The following CNNM1 variants were observed in gnomAD, a reference collection of about 807,000 sequenced individuals.
CNNM1 encodes the protein cyclin and CBS domain divalent metal cation transport mediator 1.
Under a neutral mutation model 78.8 loss-of-function variants are expected in CNNM1, and 44 were observed. The ratio of observed to expected loss-of-function variants is 0.56; its 90% confidence interval spans 0.44 to 0.72. The LOEUF is 0.72. Ranked by LOEUF, CNNM1 falls within the 30% of genes least tolerant of loss-of-function variation. The pLI is 0.00. For missense variants in CNNM1, 1,101 were observed against 1,292.2 expected (o/e 0.85, Z 2.27); for synonymous variants, 584 against 581.5 (o/e 1.00, Z -0.06).
At chr10:99,388,768 A>T (rs1268900467) in intron 9 of CNNM1, among the ~76,000 whole-genome samples, 1 of 152,212 alleles carries the variant, frequency 6.6e-6, no homozygotes, top group Non-Finnish European at 1.5e-5. Flanking sequence ...CATAGCTATT[A>T]TTAGGCCTAC....
In CNNM1 at chr10:99,330,571, A is replaced by T; in HGVS notation, c.1184A>T (p.Glu395Val). 6.2e-7 allele frequency: 1 copy of T among 1,608,888 alleles called. No homozygotes were observed. Among genetic ancestry groups the T allele is most frequent in the Non-Finnish European group, 8.5e-7 (1 of 1,177,728 alleles). Residue 395 changes from glutamate (E) to valine (V), a missense_variant, in exon 1 of 11, where the codon GAG becomes GTG. Glu to Val is a moderately radical substitution (Grantham distance 121). Around this residue, in one of 3 missense-constraint regions of CNNM1, gnomAD observed 277 missense variants for 423.2 expected, o/e 0.65. Transcript: ENST00000356713. The part of the protein sequence containing the change: ...RQEISTFYTR[E>V]KLLETLRAAD... Reference sequence around the variant, plus strand: ...GAGATAAGCACCTTCTACACGCGGGAGAAGTTGCTGGAGACGTTGCGGGCC... The same window carrying T: ...GAGATAAGCACCTTCTACACGCGGGTGAAGTTGCTGGAGACGTTGCGGGCC...
At position 99,392,683 on chromosome 10, in the gene CNNM1, A is replaced by T. The variant is rs531015419; in HGVS notation, c.*1167A>T. 6.6e-6 allele frequency: 1 copy of T among 152,350 alleles called. No individual in the cohort carries two copies. The highest frequency in any genetic ancestry group is 1.5e-5 in the Non-Finnish European group (1 of 68,072). 9.4% of individuals were successfully genotyped at this position (152,350 alleles called of 1,614,324 possible). ...ACCGCGCATACCTGCTTCCAAGAAT[A>T]AAACAGTTCTGAAAAGCAACCGCAA... On this transcript the variant is annotated 3_prime_UTR_variant, in exon 11 of 11. Transcript: ENST00000356713.
intron 1 of CNNM1, among the ~76,000 whole-genome samples, chr10:99,351,808 C>T (rs933260827): frequency 1.3e-5 from 2 of 152,142 alleles, no homozygotes; most frequent in Admixed American, 6.5e-5. Flanking sequence ...TACCCAAGTC[C>T]AAACCAGCAT....
Position 99,330,864 on chromosome 10 carries a change from A to AC in CNNM1, c.1481dup (p.Leu495AlafsTer18), listed in dbSNP as rs1296012244. 1 of 1,614,000 alleles carries AC rather than the reference A, an allele frequency of 6.2e-7. No homozygotes were observed. The highest frequency in any genetic ancestry group is 8.5e-7 in the Non-Finnish European group (1 of 1,179,998). On this transcript the variant is annotated frameshift_variant, in exon 1 of 11. Coordinates refer to ENST00000356713, the MANE Select transcript of CNNM1 (RefSeq NM_020348.3). LOFTEE classifies it high-confidence loss of function. ...GGCCTTCGTGGACCCCGACGACTGCACCCCGCTCCTCACTGTCACCCGCTT... is the reference window on the plus strand; with the variant it reads ...GGCCTTCGTGGACCCCGACGACTGCACCCCCGCTCCTCACTGTCACCCGCTT...
rs374967730 is a variant in CNNM1, at chr10:99,358,516, C to T, written c.1717+861C>T. ...ACTTTGGTCCTTAGTTTGTGAGATG[C>T]GGCCTTTCAGAAACTGGCTCCTGGT... On this transcript the variant is annotated intron_variant, in intron 2 of 10. Coordinates refer to ENST00000356713, the MANE Select transcript of CNNM1 (RefSeq NM_020348.3). 3.3e-4 allele frequency among the ~76,000 whole-genome samples: 51 copies of T among 152,252 alleles called. No homozygotes were observed. In the South Asian group the frequency reaches 6.6e-3, roughly 20 times the overall value.
Position 99,330,219 on chromosome 10 carries a change from A to C in CNNM1, c.832A>C (p.Arg278=). 3 of 1,518,770 alleles carry C rather than the reference A, an allele frequency of 2.0e-6. No homozygotes were observed. Among genetic ancestry groups the C allele is most frequent in the South Asian group, 1.3e-5 (1 of 77,918 alleles). 94.1% of individuals were successfully genotyped at this position (1,518,770 alleles called of 1,614,324 possible). ...GCGCCGCGTGCAGGCCGTTCGCGGC[A>C]GGGGGACCCATCTGCTCTGCACCCT... ...QARRVQAVRG[R]GTHLLCTLLL... Residue 278 remains arginine (R), a synonymous_variant, in exon 1 of 11, where the codon AGG becomes CGG. Transcript: ENST00000356713.
chr10:99,377,725 AAC>A (rs1286226823), intron 7 of CNNM1, among the ~76,000 whole-genome samples: 1 of 152,204 alleles, frequency 6.6e-6, no homozygotes, highest in Non-Finnish European at 1.5e-5. Context: ...TAAAGTCTAA[AAC>A]ACAACTTGAC....
chr10:99,367,241 G>A (rs2031651186), intron 6 of CNNM1, among the ~76,000 whole-genome samples: 1 of 152,150 alleles, frequency 6.6e-6, no homozygotes, highest in South Asian at 2.1e-4. Context: ...ATCTTGTAGG[G>A]TCTTGGCCCA....
intron 1 of CNNM1, among the ~76,000 whole-genome samples, chr10:99,337,662 T>C (rs572995253): frequency 2.6e-5 from 4 of 152,222 alleles, no homozygotes; most frequent in Non-Finnish European, 5.9e-5. Flanking sequence ...GTACTACCAG[T>C]GTTTGTTTAT....
intron 6 of CNNM1, chr10:99,368,446 A>C: frequency 2.8e-6 from 1 of 354,920 alleles, no homozygotes; most frequent in South Asian, 2.2e-5. Flanking sequence ...GTGACTTTGT[A>C]AGAGGATGTG....
In CNNM1 at chr10:99,357,613, G is replaced by A. The variant is rs1224543990; in HGVS notation, c.1675G>A (p.Glu559Lys). Residue 559 changes from glutamate (E) to lysine (K), a missense_variant, in exon 2 of 11, where the codon GAG becomes AAG. Glu to Lys is a moderately conservative substitution (Grantham distance 56). Around this residue, in one of 3 missense-constraint regions of CNNM1, gnomAD observed 277 missense variants for 423.2 expected, o/e 0.65. Transcript: ENST00000356713. Reference protein sequence around the residue: ...GIVTLEDIIEEIIKSEILDET... With the variant: ...GIVTLEDIIEKIIKSEILDET... ...TGTCACGCTGGAGGATATCATAGAGGAGATTATCAAGTCGGAGATCCTGGA... is the reference window on the plus strand; with the variant it reads ...TGTCACGCTGGAGGATATCATAGAGAAGATTATCAAGTCGGAGATCCTGGA... The A allele has an allele frequency of 1.2e-6, 2 of 1,613,484 alleles. No homozygotes were observed. The highest frequency in any genetic ancestry group is 1.7e-6 in the Non-Finnish European group (2 of 1,179,674).
rs552258501 is a variant in CNNM1 at position 99,340,053 on chromosome 10, C to T, written c.1573+9093C>T. Among the ~76,000 whole-genome samples, 14 of 152,170 alleles carry T rather than the reference C, an allele frequency of 9.2e-5. No homozygotes were observed. In the East Asian group the frequency reaches 2.5e-3, roughly 27 times the overall value. ...AAATTTGTAATGAGATGCTTACTTT[C>T]TAAACAATAGAGCAAACAGTAAACC... On this transcript the variant is annotated intron_variant, in intron 1 of 10. Coordinates refer to ENST00000356713, the MANE Select transcript of CNNM1 (RefSeq NM_020348.3).
At chr10:99,384,762 T>C (rs938189991) in intron 7 of CNNM1, among the ~76,000 whole-genome samples, 1 of 152,148 alleles carries the variant, frequency 6.6e-6, no homozygotes, top group Non-Finnish European at 1.5e-5. Context: ...GGGCTTATCA[T>C]TGTTTTTTAA....
At chr10:99,348,417 G>A (rs1027221828) in intron 1 of CNNM1, among the ~76,000 whole-genome samples, 6 of 152,142 alleles carry the variant, frequency 3.9e-5, no homozygotes, top group Non-Finnish European at 8.8e-5. Context: ...GTAAGCTGCC[G>A]GAGGAAAATG....
rs1313910308 is a variant in CNNM1 at position 99,334,268 on chromosome 10, A to G, written c.1573+3308A>G. On this transcript the variant is annotated intron_variant, in intron 1 of 10. Transcript: ENST00000356713. ...GATGTTCTCAGGCTGCAAGCCATAT[A>G]ACATAGTGGTCATTTTCTTTAGGAG... 2.0e-5 allele frequency among the ~76,000 whole-genome samples: 3 copies of G among 152,250 alleles called. No individual in the cohort carries two copies. In the East Asian group the frequency reaches 5.8e-4, roughly 29 times the overall value.
chr10:99,364,279 G>C (rs1011033199), intron 4 of CNNM1, 138 bp from the exon 5 acceptor site: 31 of 618,086 alleles, frequency 5.0e-5, no homozygotes, highest in African/African-American at 5.0e-4. Flanking sequence ...AATCTGGAGA[G>C]AATTAACATT....
At chr10:99,349,266 T>C (rs1254445923) in intron 1 of CNNM1, among the ~76,000 whole-genome samples, 1 of 152,148 alleles carries the variant, frequency 6.6e-6, no homozygotes, top group Non-Finnish European at 1.5e-5. Context: ...AACATTCCAG[T>C]GTCCCAGCCT....
intron 6 of CNNM1, among the ~76,000 whole-genome samples, chr10:99,376,752 G>T (rs371473862): frequency 1.4e-4 from 21 of 152,170 alleles, no homozygotes; most frequent in African/African-American, 4.8e-4. Context: ...GGGGAAAATA[G>T]ATGCTCCAGC....
Position 99,360,307 on chromosome 10 carries a change from G to A in CNNM1, c.1718-528G>A, listed in dbSNP as rs184974640. Among the ~76,000 whole-genome samples the A allele has an allele frequency of 3.5e-4, 53 of 152,266 alleles. 1 individual carries two copies. Among genetic ancestry groups the A allele is most frequent in the Admixed American group, 3.1e-3 (47 of 15,290 alleles). ...GTTCACATAAGCAGCAGGAGACTAG[G>A]TGAGGCCAGTTCAGGGCAAAGGAGG... is the stretch of plus-strand genomic sequence containing the variant. On this transcript the variant is annotated intron_variant, in intron 2 of 10. Transcript: ENST00000356713.
Sources: gnomAD v4.1 joint callset for allele counts (sites outside exome capture counted in the v4.1 genomes callset) on GRCh38, gnomAD v4.1.1 for gene constraint, gnomAD v4.1.1 regional missense constraint, MANE v1.5 for transcripts, NCBI Gene and HGNC (gene_info 2026-07-23, HGNC 2026-07-21) for gene names.